The following HNRNPF variants were observed in gnomAD, a reference collection of about 807,000 sequenced individuals.
HNRNPF encodes the protein heterogeneous nuclear ribonucleoprotein F.
A neutral mutation model predicts 26.0 loss-of-function variants in HNRNPF; 2 were observed. The observed-to-expected ratio is 0.08, with a 90% CI of 0.03 to 0.24. The LOEUF (loss-of-function observed/expected upper bound fraction) is 0.24, where lower values mean the gene tolerates loss of function less well. HNRNPF is among the 10% of genes least tolerant of loss of function. The probability of loss-of-function intolerance (pLI) is 1.00; values close to 1 mark genes in which losing one functional copy is unlikely to be tolerated. For synonymous variants in HNRNPF, 234 were observed against 211.5 expected, an observed-to-expected ratio of 1.11 and a Z score of -0.92; for missense variants, 299 against 539.2, an observed-to-expected ratio of 0.55 and a Z score of 4.41.
chr10:43,389,088 A>G (rs1838145362), intron 3 of HNRNPF, among the ~76,000 whole-genome samples: 1 of 149,184 alleles, frequency 6.7e-6, no homozygotes. Flanking sequence ...CTCCTGTCTC[A>G]GCCTCCTGAG....
intron 1 of HNRNPF, among the ~76,000 whole-genome samples, chr10:43,405,613 G>T (rs535469858): frequency 6.6e-6 from 1 of 151,722 alleles, no homozygotes; most frequent in East Asian, 1.9e-4. Flanking sequence ...CTGAGATTGT[G>T]CCACTGCACT....
In HNRNPF at chr10:43,387,791, A is replaced by G. The variant is rs1382468873; in HGVS notation, c.94T>C (p.Ser32Pro). ...GCCCCATCATGAATCGTGCAGTCAG[A>G]GAGGAAGTTCTGCACGTCCTCAACA... ...CSVEDVQNFL[S>P]DCTIHDGAAG... The change falls in exon 4 of 4, where the codon TCT (serine) becomes CCT (proline). Residue 32 changes from serine to proline, a missense_variant. Transcript: ENST00000682386. The surrounding 1 kb of genome is among the most constrained non-coding windows in gnomAD (Gnocchi z 6.0). The G allele has an allele frequency of 6.2e-7, 1 of 1,614,116 alleles. No individual in the cohort carries two copies. Among genetic ancestry groups the G allele is most frequent in the Non-Finnish European group, 8.5e-7 (1 of 1,180,038 alleles).
intron 1 of HNRNPF, chr10:43,407,603 A>G (rs1838968690): frequency 1.3e-5 from 2 of 152,192 alleles, no homozygotes; most frequent in Admixed American, 1.3e-4. Context: ...TCCTACGAGC[A>G]GGGCGGAATC....
rs1289161733 is a variant in HNRNPF at position 43,387,570 on chromosome 10, G to A, written c.315C>T (p.Ala105=). 8 of 1,614,104 alleles carry A rather than the reference G, an allele frequency of 5.0e-6. No homozygotes were observed. Among genetic ancestry groups the A allele is most frequent in the East Asian group, 2.2e-5 (1 of 44,890 alleles). ...WVLKHSGPNS[A]DSANDGFVRL... is the part of the protein sequence containing the mutation. ...GCACGAAGCCATCGTTGGCGCTGTCGGCACTGTTGGGACCACTGTGCTTCA... is the reference window on the plus strand; with the variant it reads ...GCACGAAGCCATCGTTGGCGCTGTCAGCACTGTTGGGACCACTGTGCTTCA... The change falls in exon 4 of 4, where the codon GCC becomes GCT. Residue 105 remains alanine (A), a synonymous_variant. Coordinates refer to ENST00000682386, the MANE Select transcript of HNRNPF (RefSeq NM_001098204.2). The surrounding 1 kb of genome is among the most constrained non-coding windows in gnomAD (Gnocchi z 6.0).
At chr10:43,400,871 G>C (rs1838731453) in intron 1 of HNRNPF, among the ~76,000 whole-genome samples, 1 of 140,590 alleles carries the variant, frequency 7.1e-6, no homozygotes. Context: ...GCCGAGGCGG[G>C]TGGATCACGA....
intron 3 of HNRNPF, among the ~76,000 whole-genome samples, chr10:43,391,750 C>G (rs1838257994): frequency 6.6e-6 from 1 of 152,132 alleles, no homozygotes; most frequent in African/African-American, 2.4e-5. Context: ...CCTCACATAC[C>G]CCGGAGCCAT....
At chr10:43,396,883 CT>C (rs1838550445) in intron 1 of HNRNPF, 1 of 71,118 alleles carries the variant, frequency 1.4e-5, no homozygotes, top group Non-Finnish European at 2.6e-5. Flanking sequence ...GGAAGGGCGC[CT>C]CGCGGGAGGG....
chr10:43,397,356 TGC>T (rs922196986), intron 1 of HNRNPF: 1 of 151,974 alleles, frequency 6.6e-6, no homozygotes, highest in Non-Finnish European at 1.5e-5. Flanking sequence ...TGCCTGCAGG[TGC>T]GGCCCCGTGG....
chr10:43,398,889 G>T (rs1183169649), intron 1 of HNRNPF, among the ~76,000 whole-genome samples: 1 of 152,124 alleles, frequency 6.6e-6, no homozygotes, highest in Non-Finnish European at 1.5e-5. Flanking sequence ...GAATTACAGG[G>T]AACAGTAACA....
At chr10:43,407,929 A>G (rs1838983442) in intron 1 of HNRNPF, 1 of 152,092 alleles carries the variant, frequency 6.6e-6, no homozygotes, top group African/African-American at 2.4e-5. Flanking sequence ...TATTATTACT[A>G]TTATTACTTC....
rs903604440 is a variant in HNRNPF at position 43,385,624 on chromosome 10, T to G, written c.*1013A>C. On this transcript the variant is annotated 3_prime_UTR_variant, in exon 4 of 4. Coordinates refer to ENST00000682386, the MANE Select transcript of HNRNPF (RefSeq NM_001098204.2). ...AGGAGCGTGACCAAAAAAAAAAGTTTAAATCAGCATTTTATAAAAACTAGA... is the reference window on the plus strand; with the variant it reads ...AGGAGCGTGACCAAAAAAAAAAGTTGAAATCAGCATTTTATAAAAACTAGA... 3 of 152,200 alleles carry G rather than the reference T, an allele frequency of 2.0e-5. No homozygotes were observed. Among genetic ancestry groups the G allele is most frequent in the African/African-American group, 7.2e-5 (3 of 41,446 alleles). The allele number at this position is 152,200 out of a possible 1,614,324, so 9.4% of individuals were successfully genotyped here.
At chr10:43,396,105 C>G (rs547271341) in intron 2 of HNRNPF, among the ~76,000 whole-genome samples, 15 of 152,324 alleles carry the variant, frequency 9.8e-5, no homozygotes, top group South Asian at 2.1e-4. Context: ...AAAGCGCTCC[C>G]GAACGAGCTC....
At chr10:43,405,429 G>C (rs552333980) in intron 1 of HNRNPF, among the ~76,000 whole-genome samples, 3 of 152,114 alleles carry the variant, frequency 2.0e-5, no homozygotes, top group African/African-American at 7.2e-5. Context: ...GGCCGAGGCC[G>C]GCGGATCACG....
intron 3 of HNRNPF, among the ~76,000 whole-genome samples, 189 bp downstream of exon 3, chr10:43,394,441 T>C (rs1838378337): frequency 6.6e-6 from 1 of 152,230 alleles, no homozygotes; most frequent in Non-Finnish European, 1.5e-5. Context: ...GAATTGGTTT[T>C]CTGTTCCATT....
chr10:43,396,034 G>C (rs1338569845), intron 2 of HNRNPF, among the ~76,000 whole-genome samples: 1 of 151,356 alleles, frequency 6.6e-6, no homozygotes, highest in East Asian at 1.9e-4. Flanking sequence ...GGGCCACCTA[G>C]ATAATTAAAA....
chr10:43,402,644 T>C (rs1838788958), intron 1 of HNRNPF, among the ~76,000 whole-genome samples: 1 of 152,198 alleles, frequency 6.6e-6, no homozygotes, highest in Non-Finnish European at 1.5e-5. Context: ...TCTATGTACT[T>C]TAAGAGGATC....
intron 2 of HNRNPF, among the ~76,000 whole-genome samples, chr10:43,395,633 C>A (rs1476694969): frequency 1.3e-5 from 2 of 152,142 alleles, no homozygotes; most frequent in African/African-American, 4.8e-5. Context: ...GAAACCTATT[C>A]AGGGGTGAAA....
intron 1 of HNRNPF, among the ~76,000 whole-genome samples, chr10:43,402,263 C>T (rs1333452626): frequency 6.6e-6 from 1 of 152,140 alleles, no homozygotes; most frequent in Non-Finnish European, 1.5e-5. Context: ...GGAGGACATA[C>T]TTTTTCCAAA....
At chr10:43,393,319 GGCGCAGTGGCTCAT>G (rs2131970673) in intron 3 of HNRNPF, among the ~76,000 whole-genome samples, 1 of 152,288 alleles carries the variant, frequency 6.6e-6, no homozygotes, top group East Asian at 1.9e-4. Context: ...GCATAGGCCG[GGCGCAGTGGCTCAT>G]GCCTGTAATC....
Sources: allele counts gnomAD v4.1 joint callset (sites outside exome capture counted in the v4.1 genomes callset), GRCh38; gene constraint gnomAD v4.1.1; non-coding constraint Gnocchi (gnomAD v3.1); transcripts MANE v1.5; gene names NCBI Gene and HGNC (gene_info 2026-07-23, HGNC 2026-07-21).